FHIT: variants seen among roughly 807,000 people sequenced by gnomAD.
FHIT encodes the protein bis(5'-adenosyl)-triphosphatase.
In FHIT, 19 loss-of-function variants were observed where a neutral mutation model predicts 17.9. The observed-to-expected ratio is 1.06, with a 90% CI of 0.74 to 1.56. The LOEUF (loss-of-function observed/expected upper bound fraction) is 1.56, where lower values mean the gene tolerates loss of function less well. FHIT is among the 40% of genes most tolerant of loss of function. The probability of loss-of-function intolerance (pLI) is 0.00; values close to 1 mark genes in which losing one functional copy is unlikely to be tolerated. For synonymous variants in FHIT, 81 were observed against 69.7 expected (o/e 1.16, Z -0.81); for missense variants, 248 against 189.2 (o/e 1.31, Z -1.82).
chr3:60,195,026 C>G (rs1445830722), intron 5 of FHIT, among the ~76,000 whole-genome samples: 4 of 152,072 alleles, frequency 2.6e-5, no homozygotes, highest in Admixed American at 2.6e-4. Flanking sequence ...ATTAGCCAGG[C>G]ATAGCGGCAG....
rs990554489 is a variant in FHIT at position 59,952,371 on chromosome 3, C to T, written c.280-29957G>A. ...TATCCCAGACACAGTGGGTTGGAGA[C>T]CCTCGGGACATGCAGACATCTCCCC... is the stretch of plus-strand genomic sequence containing the variant. On this transcript the variant is annotated intron_variant, in intron 7 of 9. Transcript: ENST00000492590. 5.9e-5 allele frequency among the ~76,000 whole-genome samples: 9 copies of T among 152,274 alleles called. No homozygotes were observed. In the South Asian group the frequency reaches 1.7e-3, roughly 28 times the overall value.
intron 5 of FHIT, among the ~76,000 whole-genome samples, chr3:60,423,850 T>A (rs1702565256): frequency 6.6e-6 from 1 of 152,132 alleles, no homozygotes; most frequent in Non-Finnish European, 1.5e-5. Context: ...TTTGTTTCAA[T>A]TTTTTAAGTG....
chr3:60,808,220 G>C (rs1312603781), intron 4 of FHIT, among the ~76,000 whole-genome samples: 1 of 152,182 alleles, frequency 6.6e-6, no homozygotes, highest in Non-Finnish European at 1.5e-5. Context: ...TTCAAAGGTA[G>C]TGTGATATGT....
At chr3:60,035,170 A>T (rs1029187758) in intron 5 of FHIT, among the ~76,000 whole-genome samples, 2 of 152,224 alleles carry the variant, frequency 1.3e-5, no homozygotes, top group Admixed American at 1.3e-4. Context: ...CAGATAGTGC[A>T]CTAGGTCCTA....
intron 3 of FHIT, among the ~76,000 whole-genome samples, chr3:60,949,992 G>T (rs1553776785): frequency 6.6e-6 from 1 of 152,160 alleles, no homozygotes; most frequent in African/African-American, 2.4e-5. Context: ...CCACATATAT[G>T]ATATCGATCC....
At chr3:60,339,814 G>A (rs7634961) in intron 5 of FHIT, among the ~76,000 whole-genome samples, 2,913 of 152,206 alleles carry the variant, frequency 0.019, 96 homozygotes, top group African/African-American at 0.067. Flanking sequence ...AGACAACACG[G>A]TGGGCCATGT....
intron 2 of FHIT, among the ~76,000 whole-genome samples, chr3:61,197,831 T>C (rs939931539): frequency 1.3e-5 from 2 of 152,126 alleles, no homozygotes; most frequent in African/African-American, 2.4e-5. Flanking sequence ...TTGGGAGGGA[T>C]GACTTCTCCG....
intron 8 of FHIT, among the ~76,000 whole-genome samples, chr3:59,893,376 C>T (rs1703936483): frequency 6.6e-6 from 1 of 152,170 alleles, no homozygotes; most frequent in Admixed American, 6.5e-5. Flanking sequence ...CTGTACATGG[C>T]TCTTTCCAAA....
rs144199411 is a variant in FHIT at position 60,017,406 on chromosome 3, T to C, written c.104-3254A>G. ...GAGGAAGTAAAGAGGGATACAAAGC[T>C]GGCATTTTGCCCCTTCTCATCCTGA... On this transcript the variant is annotated intron_variant, in intron 5 of 9. Coordinates refer to ENST00000492590, the MANE Select transcript of FHIT (RefSeq NM_002012.4). Among the ~76,000 whole-genome samples, 523 of 152,324 alleles carry C rather than the reference T, an allele frequency of 3.4e-3. 5 individuals are homozygous for C. The highest frequency in any genetic ancestry group is 0.011 in the African/African-American group (466 of 41,580).
chr3:59,999,720 G>C (rs1454785658), intron 7 of FHIT, among the ~76,000 whole-genome samples: 1 of 152,040 alleles, frequency 6.6e-6, no homozygotes, highest in African/African-American at 2.4e-5. Context: ...TGATTCTTGT[G>C]CCTCAGCCTC....
At chr3:60,444,028 T>TTCATATCCAAAAA (rs2031131276) in intron 5 of FHIT, among the ~76,000 whole-genome samples, 1 of 151,912 alleles carries the variant, frequency 6.6e-6, no homozygotes, top group Non-Finnish European at 1.5e-5. Context: ...AAAAACTGGG[T>TTCATATCCAAAAA]GAAGGATATG....
intron 7 of FHIT, among the ~76,000 whole-genome samples, chr3:60,000,299 T>C (rs1053651809): frequency 1.3e-5 from 2 of 152,232 alleles, no homozygotes; most frequent in African/African-American, 4.8e-5. Context: ...GGGCAAATTA[T>C]GGCCCTCAGG....
chr3:60,550,137 T>C lies in FHIT; in HGVS notation c.-17-13158A>G, dbSNP rs185047107. On this transcript the variant is annotated intron_variant, in intron 4 of 9. Transcript: ENST00000492590. ...CCAAGATGAACCTTGAGAGGAACAATGCCCTGTCATCTAACTGAGGAACAA... is the reference window on the plus strand; with the variant it reads ...CCAAGATGAACCTTGAGAGGAACAACGCCCTGTCATCTAACTGAGGAACAA... Among the ~76,000 whole-genome samples, 198 of 152,286 alleles carry C rather than the reference T, an allele frequency of 1.3e-3. 1 individual carries two copies. The highest frequency in any genetic ancestry group is 2.2e-3 in the Non-Finnish European group (151 of 68,014).
intron 8 of FHIT, among the ~76,000 whole-genome samples, chr3:59,902,529 C>G (rs752395512): frequency 2.5e-4 from 38 of 151,986 alleles, no homozygotes; most frequent in Admixed American, 1.0e-3. Flanking sequence ...ACCACCAAGA[C>G]ATGGCATCAA....
At chr3:60,341,616 G>A (rs1301953591) in intron 5 of FHIT, among the ~76,000 whole-genome samples, 1 of 152,008 alleles carries the variant, frequency 6.6e-6, no homozygotes, top group Non-Finnish European at 1.5e-5. Flanking sequence ...TTAATAGACT[G>A]AAGGTAGGAA....
At chr3:61,091,970 A>G (rs1033093912) in intron 2 of FHIT, among the ~76,000 whole-genome samples, 4 of 150,450 alleles carry the variant, frequency 2.7e-5, no homozygotes, top group Non-Finnish European at 5.9e-5. Context: ...AAAAGAAGCA[A>G]CAGGAGTCAG....
intron 5 of FHIT, among the ~76,000 whole-genome samples, chr3:60,406,639 G>A (rs936344407): frequency 2.3e-5 from 3 of 132,168 alleles, no homozygotes; most frequent in Admixed American, 8.6e-5. Flanking sequence ...GTTGTTGTCA[G>A]ATTTTGTGGA....
At chr3:60,373,303 T>C (rs1700413800) in intron 5 of FHIT, among the ~76,000 whole-genome samples, 1 of 152,110 alleles carries the variant, frequency 6.6e-6, no homozygotes, top group Admixed American at 6.5e-5. Flanking sequence ...CCTGAGAAAG[T>C]GACGTTGAAG....
At chr3:60,720,707 C>A (rs1577114613) in intron 4 of FHIT, among the ~76,000 whole-genome samples, 1 of 152,254 alleles carries the variant, frequency 6.6e-6, no homozygotes, top group East Asian at 1.9e-4. Context: ...TAACGTACAG[C>A]CAAAGTGTGA....
Sources: gnomAD v4.1 joint callset for allele counts (sites outside exome capture counted in the v4.1 genomes callset) on GRCh38, gnomAD v4.1.1 for gene constraint, MANE v1.5 for transcripts, NCBI Gene and HGNC (gene_info 2026-07-23, HGNC 2026-07-21) for gene names.